The following ADAMTSL1 variants were observed in gnomAD, a reference collection of about 807,000 sequenced individuals.
The protein encoded by ADAMTSL1 is ADAMTS-like protein 1.
Under a neutral mutation model 201.8 loss-of-function variants are expected in ADAMTSL1, and 126 were observed. The ratio of observed to expected loss-of-function variants is 0.62; its 90% confidence interval spans 0.54 to 0.72. The LOEUF is 0.72. Ranked by LOEUF, ADAMTSL1 falls within the 30% of genes least tolerant of loss-of-function variation. The pLI is 0.00. For missense variants in ADAMTSL1, 2,679 were observed against 2,277.8 expected (o/e 1.18, Z -3.59); for synonymous variants, 1,121 against 903.4 (o/e 1.24, Z -4.32).
In ADAMTSL1 at chr9:18,795,449, G is replaced by C. The variant is rs755974608; in HGVS notation, c.3730G>C (p.Asp1244His). The change falls in exon 20 of 29, where the codon GAT becomes CAT. Residue 1244 changes from aspartate (D) to histidine (H), a missense_variant. Transcript: ENST00000380548. ...ACAGATCTTGGCACCAGTGGAAGCA[G>C]ATGTGGGTTTCTACACTTGCAATGC... Reference protein sequence around the residue: ...SLQILAPVEADVGFYTCNATN... With the variant: ...SLQILAPVEAHVGFYTCNATN... 1.9e-6 allele frequency: 3 copies of C among 1,613,836 alleles called. No individual in the cohort carries two copies. The highest frequency in any genetic ancestry group is 2.5e-6 in the Non-Finnish European group (3 of 1,179,862).
At chr9:18,294,253 C>T (rs1272549524) in intron 2 of ADAMTSL1, among the ~76,000 whole-genome samples, 1 of 152,176 alleles carries the variant, frequency 6.6e-6, no homozygotes, top group African/African-American at 2.4e-5. Flanking sequence ...GATGCTTTAG[C>T]AGGAGTGTAT....
intron 5 of ADAMTSL1, among the ~76,000 whole-genome samples, chr9:18,630,247 T>A (rs1291281276): frequency 6.6e-6 from 1 of 152,168 alleles, no homozygotes; most frequent in South Asian, 2.1e-4. Context: ...TACTTAATGT[T>A]CCATGACTTA....
chr9:18,505,081 A>C, intron 2 of ADAMTSL1, 125 bp downstream of exon 2: 1 of 1,221,516 alleles, frequency 8.2e-7, no homozygotes, highest in Non-Finnish European at 1.1e-6. Context: ...GAAAAGAATT[A>C]AAGGAACGTA....
At chr9:18,301,574 A>C (rs1020371728) in intron 2 of ADAMTSL1, among the ~76,000 whole-genome samples, 3 of 152,202 alleles carry the variant, frequency 2.0e-5, no homozygotes, top group Non-Finnish European at 4.4e-5. Flanking sequence ...TTATGACAAT[A>C]CACTATAATA....
At chr9:18,101,236 G>T (rs963537204) in intron 1 of ADAMTSL1, among the ~76,000 whole-genome samples, 1 of 152,094 alleles carries the variant, frequency 6.6e-6, no homozygotes, top group Admixed American at 6.6e-5. Context: ...GGTGGCTCAC[G>T]TCTATAATCT....
At chr9:18,041,969 T>C (rs1236383591) in intron 1 of ADAMTSL1, among the ~76,000 whole-genome samples, 2 of 152,202 alleles carry the variant, frequency 1.3e-5, no homozygotes, top group East Asian at 1.9e-4. Flanking sequence ...ATTTTAAAAT[T>C]GGTTACTTTA....
chr9:18,423,777 C>T (rs1354934593), intron 2 of ADAMTSL1, among the ~76,000 whole-genome samples: 1 of 152,204 alleles, frequency 6.6e-6, no homozygotes, highest in African/African-American at 2.4e-5. Flanking sequence ...TGCAAGAAAT[C>T]CATCTTACTT....
upstream of ADAMTSL1, among the ~76,000 whole-genome samples, chr9:18,470,031 G>A (rs532408113): frequency 9.5e-4 from 144 of 152,272 alleles, no homozygotes; most frequent in Non-Finnish European, 1.5e-3. Flanking sequence ...TTAGAAAAGT[G>A]CCTACACATG....
At chr9:18,470,088 A>T (rs1821148653), upstream of ADAMTSL1, among the ~76,000 whole-genome samples, 1 of 152,186 alleles carries the variant, frequency 6.6e-6, no homozygotes, top group South Asian at 2.1e-4. Flanking sequence ...AGCGTCTCAG[A>T]TGGTAGTCCT....
chr9:18,182,539 A>G (rs1363337463), intron 2 of ADAMTSL1, among the ~76,000 whole-genome samples: 1 of 152,206 alleles, frequency 6.6e-6, no homozygotes, highest in African/African-American at 2.4e-5. Context: ...TATAAGGAGA[A>G]ATGCTCCCAC....
intron 1 of ADAMTSL1, among the ~76,000 whole-genome samples, chr9:18,498,544 G>C (rs866342010): frequency 2.6e-5 from 4 of 152,148 alleles, no homozygotes; most frequent in Middle Eastern, 6.8e-3. Context: ...AACCATGTTG[G>C]TCAGGCTGGT....
rs115928193 is a variant in ADAMTSL1, at chr9:18,017,088, T to C, written c.87+110166T>C. Among the ~76,000 whole-genome samples, 718 of 152,160 alleles carry C rather than the reference T, an allele frequency of 4.7e-3. 5 individuals are homozygous for C. Among genetic ancestry groups the C allele is most frequent in the African/African-American group, 0.017 (686 of 41,550 alleles). On this transcript the variant is annotated intron_variant, in intron 1 of 29. Coordinates refer to the ADAMTSL1 transcript ENST00000680146. ...CTTTTCAACACTGGGACCCATGCAATGATTCCAGATAGATCAGATTTTGCA... is the reference window on the plus strand; with the variant it reads ...CTTTTCAACACTGGGACCCATGCAACGATTCCAGATAGATCAGATTTTGCA...
intron 7 of ADAMTSL1, among the ~76,000 whole-genome samples, chr9:18,646,660 G>T (rs1464590799): frequency 2.0e-5 from 3 of 150,812 alleles, no homozygotes; most frequent in East Asian, 2.0e-4. Flanking sequence ...TGTGGTTTTT[G>T]TCTTTGGTTC....
chr9:18,329,790 A>G (rs558098106), intron 2 of ADAMTSL1, among the ~76,000 whole-genome samples: 1 of 152,284 alleles, frequency 6.6e-6, no homozygotes, highest in South Asian at 2.1e-4. Context: ...GCATTCATTC[A>G]TTCATTCATT....
intron 1 of ADAMTSL1, among the ~76,000 whole-genome samples, chr9:18,142,610 C>G (rs1197696990): frequency 6.6e-6 from 1 of 152,164 alleles, no homozygotes; most frequent in East Asian, 1.9e-4. Context: ...ATAAATATAT[C>G]TCTTGCCACA....
At chr9:18,652,388 A>C (rs893116373) in intron 7 of ADAMTSL1, among the ~76,000 whole-genome samples, 1 of 151,794 alleles carries the variant, frequency 6.6e-6, no homozygotes, top group African/African-American at 2.4e-5. Context: ...AAAAAAGGAA[A>C]AAAAAAGAAA....
chr9:18,136,769 G>A (rs964817036), intron 1 of ADAMTSL1, among the ~76,000 whole-genome samples: 3 of 152,148 alleles, frequency 2.0e-5, no homozygotes, highest in Non-Finnish European at 2.9e-5. Flanking sequence ...GGTTAGCCTT[G>A]TGTACTGTGG....
chr9:18,884,581 A>G (rs1296870617), intron 23 of ADAMTSL1, among the ~76,000 whole-genome samples: 14 of 152,086 alleles, frequency 9.2e-5, no homozygotes. Context: ...TTTTGAGTTA[A>G]TTTTTATATA....
At chr9:18,835,710 A>G (rs1442011722) in intron 23 of ADAMTSL1, among the ~76,000 whole-genome samples, 3 of 151,984 alleles carry the variant, frequency 2.0e-5, no homozygotes, top group Non-Finnish European at 4.4e-5. Context: ...TTTTATGTCC[A>G]TGAGTACCCA....
Sources: gnomAD v4.1 joint callset for allele counts (sites outside exome capture counted in the v4.1 genomes callset) on GRCh38, gnomAD v4.1.1 for gene constraint, MANE v1.5 for transcripts, NCBI Gene and HGNC (gene_info 2026-07-23, HGNC 2026-07-21) for gene names.